Variants in KAZN observed in about 807,000 individuals in gnomAD.
The protein encoded by KAZN is kazrin, periplakin interacting protein.
KAZN carries 40 observed loss-of-function variants against 87.4 expected under a neutral mutation model. The observed-to-expected ratio is 0.46, with a 90% CI of 0.36 to 0.60. The LOEUF (loss-of-function observed/expected upper bound fraction) is 0.60. KAZN is among the 20% of genes least tolerant of loss of function. KAZN has a pLI of 0.00. For missense variants in KAZN, 898 were observed against 1,073.9 expected, an observed-to-expected ratio of 0.84 and a Z score of 2.29; for synonymous variants, 466 against 458.3, an observed-to-expected ratio of 1.02 and a Z score of -0.22.
rs759880655 is a variant in KAZN, at chr1:14,520,965, T to C, written c.250-78018T>C. Among the ~76,000 whole-genome samples the C allele has an allele frequency of 5.9e-5, 9 of 152,080 alleles. No homozygotes were observed. In the South Asian group the frequency reaches 1.9e-3, roughly 32 times the overall value. On this transcript the variant is annotated intron_variant, in intron 2 of 16. Coordinates refer to the KAZN transcript ENST00000636203. ...ATTGTTCTATTGGGAAGAAGGCCCA[T>C]GAGAGGCCAGAGCAGGGAGAGGCAT...
rs1427840115 is a variant in KAZN, at chr1:14,184,976, C to A, written c.249+4384C>A. ...GGTCAAGGTAGGTAGGCCTCTGTGG[C>A]TGTCACTGGTACAGTTATCTGGAGC... On this transcript the variant is annotated intron_variant, in intron 2 of 16. Transcript: ENST00000636203. The surrounding 1 kb of genome is among the most constrained non-coding windows in gnomAD (Gnocchi z 4.2). 2.0e-5 allele frequency among the ~76,000 whole-genome samples: 3 copies of A among 152,160 alleles called. No individual in the cohort carries two copies. The highest frequency in any genetic ancestry group is 1.3e-4 in the Admixed American group (2 of 15,284).
At chr1:14,265,994 A>T (rs565615941) in intron 2 of KAZN, among the ~76,000 whole-genome samples, 1 of 152,118 alleles carries the variant, frequency 6.6e-6, no homozygotes, top group Non-Finnish European at 1.5e-5. Context: ...TAAACTGGAG[A>T]TAAGTTTGAA....
chr1:14,883,501 C>A (rs1653712342), intron 1 of KAZN, among the ~76,000 whole-genome samples: 1 of 146,748 alleles, frequency 6.8e-6, no homozygotes, highest in African/African-American at 2.7e-5. Flanking sequence ...CTCTGTCCCA[C>A]CTTTTTCAAA....
chr1:14,694,780 A>T (rs1029593322), intron 1 of KAZN, among the ~76,000 whole-genome samples: 8 of 152,174 alleles, frequency 5.3e-5, no homozygotes, highest in African/African-American at 1.9e-4. Flanking sequence ...CTTCTTACAG[A>T]GCTGTTGAAA....
At chr1:14,764,504 C>G (rs531727875) in intron 1 of KAZN, among the ~76,000 whole-genome samples, 4 of 151,978 alleles carry the variant, frequency 2.6e-5, no homozygotes, top group South Asian at 2.1e-4. Flanking sequence ...CCTCTGCCCC[C>G]CCATAGAACG....
chr1:14,830,586 G>A (rs1458877559), intron 1 of KAZN, among the ~76,000 whole-genome samples: 1 of 152,162 alleles, frequency 6.6e-6, no homozygotes, highest in East Asian at 1.9e-4. Flanking sequence ...ACGGCTGGGA[G>A]GCCTCAGGAA....
At chr1:14,123,219 C>T (rs1489380178) in intron 1 of KAZN, among the ~76,000 whole-genome samples, 2 of 152,160 alleles carry the variant, frequency 1.3e-5, no homozygotes, top group African/African-American at 4.8e-5. Flanking sequence ...TGCATTCTAC[C>T]TGCTTTTTGA....
intron 2 of KAZN, among the ~76,000 whole-genome samples, chr1:14,579,696 AT>A (rs1483896361): frequency 6.6e-6 from 1 of 152,040 alleles, no homozygotes; most frequent in African/African-American, 2.4e-5. Flanking sequence ...TGAAAAAAAA[AT>A]TTTTTTAGCA....
intron 2 of KAZN, among the ~76,000 whole-genome samples, chr1:14,222,662 A>G (rs1238625708): frequency 6.6e-6 from 1 of 152,224 alleles, no homozygotes; most frequent in African/African-American, 2.4e-5. Context: ...ATTAAAATAT[A>G]ATTTGTGAAA....
intron 1 of KAZN, among the ~76,000 whole-genome samples, chr1:14,632,893 T>C (rs1487609831): frequency 6.7e-6 from 1 of 150,356 alleles, no homozygotes; most frequent in African/African-American, 2.4e-5. Flanking sequence ...CACTCTCCTG[T>C]TTGGGAGGAA....
intron 2 of KAZN, among the ~76,000 whole-genome samples, chr1:14,444,305 G>GTTTTTT (rs1666855909): frequency 8.5e-6 from 1 of 117,832 alleles, no homozygotes; most frequent in African/African-American, 3.9e-5. Flanking sequence ...CTAAATTCAT[G>GTTTTTT]ATTTTTTTTT....
intron 1 of KAZN, among the ~76,000 whole-genome samples, chr1:14,095,618 A>G (rs1456205822): frequency 1.3e-5 from 2 of 152,076 alleles, no homozygotes; most frequent in East Asian, 1.9e-4. Flanking sequence ...CTTCACATAC[A>G]TGTCTGTTCC....
At chr1:15,002,155 C>G (rs1345822849) in intron 2 of KAZN, among the ~76,000 whole-genome samples, 1 of 152,182 alleles carries the variant, frequency 6.6e-6, no homozygotes, top group Non-Finnish European at 1.5e-5. Flanking sequence ...GCTGGGATTA[C>G]AGGCGTGAGC....
chr1:13,990,354 G>T (rs565689095), intron 1 of KAZN, among the ~76,000 whole-genome samples: 1 of 152,270 alleles, frequency 6.6e-6, no homozygotes, highest in South Asian at 2.1e-4. Context: ...TAAAAGAAGT[G>T]TATTCCTGAT....
Position 14,894,227 on chromosome 1 carries a change from C to T in KAZN, c.227-66457C>T, listed in dbSNP as rs541021368. ...CCCCGCTCCAGCCTACAGTTTCTGC[C>T]GCAGCCTCGCCTGCCTGACCCGACA... On this transcript the variant is annotated intron_variant, in intron 1 of 14. Coordinates refer to ENST00000376030, the MANE Select transcript of KAZN (RefSeq NM_201628.3). Among the ~76,000 whole-genome samples the T allele has an allele frequency of 7.2e-5, 11 of 152,280 alleles. No individual in the cohort carries two copies. The East Asian group carries it at 1.2e-3, about 16-fold the overall frequency.
chr1:13,976,371 A>T (rs1241224328), intron 1 of KAZN, among the ~76,000 whole-genome samples: 1 of 152,314 alleles, frequency 6.6e-6, no homozygotes, highest in Admixed American at 6.5e-5. Flanking sequence ...TCAAGAACTC[A>T]TCAGATGAAA....
rs1370916425 is a variant in KAZN, at chr1:15,050,403, TG to T, written c.727-5687del. On this transcript the variant is annotated intron_variant, in intron 4 of 14. Coordinates refer to ENST00000376030, the MANE Select transcript of KAZN (RefSeq NM_201628.3). ...CATGCCTGTTCCACTCATCAGTATT[TG>T]ACCTCGCACATGTCACCTTTAACCT... is the stretch of plus-strand genomic sequence containing the variant. Among the ~76,000 whole-genome samples the T allele has an allele frequency of 2.0e-5, 3 of 152,134 alleles. No homozygotes were observed. In the East Asian group the frequency reaches 5.8e-4, roughly 29 times the overall value.
Position 14,863,051 on chromosome 1 carries a change from A to G in KAZN, c.227-97633A>G, listed in dbSNP as rs1010548009. Among the ~76,000 whole-genome samples, 2 of 131,700 alleles carry G rather than the reference A, an allele frequency of 1.5e-5. 1 individual carries two copies. The highest frequency in any genetic ancestry group is 4.6e-4 in the South Asian group (2 of 4,366). 86.4% of individuals were successfully genotyped at this position (131,700 alleles called of 152,430 possible). A position where few individuals can be genotyped will look rare whatever the true frequency, so the allele number is the denominator to read the frequency against. ...CGTGGTTCCATTTATGGATTATTTC[A>G]CAGGATGAGACGCTTCTGTAGCTGA... On this transcript the variant is annotated intron_variant, in intron 1 of 14. Transcript: ENST00000376030.
At position 14,726,186 on chromosome 1, in the gene KAZN, T is replaced by C. The variant is rs1230579002; in HGVS notation, c.226+126963T>C. ...CCAACAGGGATTCCAAAAGGGCCTA[T>C]GACAAGCCCTTGTGTGGAGGTATCC... On this transcript the variant is annotated intron_variant, in intron 1 of 14. Transcript: ENST00000376030. Among the ~76,000 whole-genome samples, 4 of 152,228 alleles carry C rather than the reference T, an allele frequency of 2.6e-5. No individual in the cohort carries two copies. The East Asian group carries it at 7.7e-4, about 29-fold the overall frequency.
Sources: gnomAD v4.1 joint callset for allele counts (sites outside exome capture counted in the v4.1 genomes callset) on GRCh38, gnomAD v4.1.1 for gene constraint, Gnocchi (gnomAD v3.1) non-coding constraint, MANE v1.5 for transcripts, NCBI Gene and HGNC (gene_info 2026-07-23, HGNC 2026-07-21) for gene names.